ZBBX: variants seen among roughly 807,000 people sequenced by gnomAD.
ZBBX encodes the protein zinc finger B-box domain containing.
Under a neutral mutation model 108.5 loss-of-function variants are expected in ZBBX, and 101 were observed. The observed-to-expected ratio is 0.93, with a 90% CI of 0.79 to 1.10. The LOEUF (loss-of-function observed/expected upper bound fraction) is 1.10, where lower values mean the gene tolerates loss of function less well. Among genes scored for constraint, ZBBX ranks in the 50% least tolerant of loss-of-function variants. The pLI is 0.00. For missense variants in ZBBX, 1,009 were observed against 941.4 expected, an observed-to-expected ratio of 1.07 and a Z score of -0.94; for synonymous variants, 356 against 323.4, an observed-to-expected ratio of 1.10 and a Z score of -1.08.
Position 167,348,391 on chromosome 3 carries a change from A to G in ZBBX, c.528+2029T>C, listed in dbSNP as rs1312541492. 2.7e-5 allele frequency among the ~76,000 whole-genome samples: 4 copies of G among 146,526 alleles called. No homozygotes were observed. The South Asian group carries it at 6.7e-4, about 24-fold the overall frequency. On this transcript the variant is annotated intron_variant, in intron 9 of 21. Coordinates refer to ENST00000675490, the MANE Select transcript of ZBBX (RefSeq NM_001199201.2). The stretch of plus-strand genomic sequence containing the variant: ...AAGAAAAAAAAGAAAAGAAAAGAAG[A>G]AGGAGGGAGGGAGAGGAGAGAGAGA...
intron 16 of ZBBX, among the ~76,000 whole-genome samples, chr3:167,312,979 C>G (rs1199911404): frequency 1.3e-4 from 20 of 152,052 alleles, no homozygotes; most frequent in Non-Finnish European, 1.0e-4. Flanking sequence ...TCTTAAAATT[C>G]TAGGTAGATC....
chr3:167,257,546 AT>A (rs1243684159), intron 20 of ZBBX, among the ~76,000 whole-genome samples: 1 of 152,120 alleles, frequency 6.6e-6, no homozygotes, highest in African/African-American at 2.4e-5. Flanking sequence ...GGCTTTTATT[AT>A]GTTAAGACCT....
chr3:167,397,148 A>AAAAAAAAAAAAAAAAAAAT (rs1748264941), intron 1 of ZBBX, among the ~76,000 whole-genome samples: 1 of 141,750 alleles, frequency 7.1e-6, no homozygotes, highest in East Asian at 2.0e-4. Context: ...GTGGTAAAAA[A>AAAAAAAAAAAAAAAAAAAT]AAAAAAAAAA....
At chr3:167,296,724 G>T (rs1731750196) in intron 18 of ZBBX, among the ~76,000 whole-genome samples, 1 of 151,924 alleles carries the variant, frequency 6.6e-6, no homozygotes, top group Admixed American at 6.6e-5. Context: ...AGAAATTAAA[G>T]AAGCCACACA....
At chr3:167,334,641 G>A (rs779699589) in intron 9 of ZBBX, among the ~76,000 whole-genome samples, 14 of 152,084 alleles carry the variant, frequency 9.2e-5, no homozygotes, top group South Asian at 2.1e-4. Context: ...CTTGGTCACA[G>A]TGCTGAGTGG....
At chr3:167,195,469 C>G in the ZBBX span, among the ~76,000 whole-genome samples, 3 of 152,078 alleles carry the variant, frequency 2.0e-5, no homozygotes, top group African/African-American at 7.2e-5. Context: ...GCCAAACTAA[C>G]CCTTTTCCAA....
chr3:167,287,671 C>T (rs77450312), intron 19 of ZBBX, among the ~76,000 whole-genome samples: 2,630 of 152,128 alleles, frequency 0.017, 30 homozygotes, highest in Non-Finnish European at 0.027. Flanking sequence ...TCTCATAGCA[C>T]GTATATGAAT....
intron 20 of ZBBX, among the ~76,000 whole-genome samples, chr3:167,278,092 C>T (rs13068231): frequency 0.76 from 72,897 of 95,458 alleles, 28,762 homozygotes; most frequent in African/African-American, 0.9. Context: ...TGGGACACAT[C>T]CAAAGCAGTG....
chr3:167,305,584 A>G, intron 17 of ZBBX, 59 bp downstream of exon 17: 1 of 1,279,642 alleles, frequency 7.8e-7, no homozygotes, highest in East Asian at 2.7e-5. Flanking sequence ...TGTCACTAAG[A>G]CATTTTCTTA....
At chr3:167,354,006 G>A (rs1743103713) in intron 8 of ZBBX, among the ~76,000 whole-genome samples, 1 of 151,964 alleles carries the variant, frequency 6.6e-6, no homozygotes, top group Non-Finnish European at 1.5e-5. Flanking sequence ...TGAAAACATT[G>A]TAAGTTGAAA....
At chr3:167,379,450 C>A (rs929368351) in intron 2 of ZBBX, among the ~76,000 whole-genome samples, 188 bp downstream of exon 2, 2 of 152,276 alleles carry the variant, frequency 1.3e-5, no homozygotes, top group African/African-American at 4.8e-5. Context: ...GTCAGGGCAG[C>A]CCTCTGTGTA....
the ZBBX span, among the ~76,000 whole-genome samples, chr3:167,219,295 G>A: frequency 3.3e-5 from 5 of 151,732 alleles, no homozygotes; most frequent in South Asian, 2.1e-4. Flanking sequence ...AGATATTTAC[G>A]GAACACTTTA....
At position 167,276,079 on chromosome 3, in the gene ZBBX, C is replaced by G. The variant is rs112526873; in HGVS notation, c.2254+6159G>C. Among the ~76,000 whole-genome samples, 466 of 150,602 alleles carry G rather than the reference C, an allele frequency of 3.1e-3. 5 individuals are homozygous for G. Among genetic ancestry groups the G allele is most frequent in the Non-Finnish European group, 4.8e-3 (322 of 67,030 alleles). ...CTGCAGCTGAGGGTCCTGTCTGTTA[C>G]AAGGAAAACTAACAAACAGAAAGGA... On this transcript the variant is annotated intron_variant, in intron 20 of 21. Transcript: ENST00000675490.
At chr3:167,227,501 A>G in the ZBBX span, among the ~76,000 whole-genome samples, 1 of 151,572 alleles carries the variant, frequency 6.6e-6, no homozygotes, top group Non-Finnish European at 1.5e-5. Flanking sequence ...TGGGAAGCAA[A>G]TTTGCTATTC....
At chr3:167,294,492 T>C (rs1181887148) in intron 18 of ZBBX, among the ~76,000 whole-genome samples, 1 of 152,174 alleles carries the variant, frequency 6.6e-6, no homozygotes, top group Non-Finnish European at 1.5e-5. Flanking sequence ...TGGCTAGCCA[T>C]AGGCATAAAA....
intron 20 of ZBBX, among the ~76,000 whole-genome samples, chr3:167,253,819 T>A (rs1295542995): frequency 1.3e-5 from 2 of 150,914 alleles, no homozygotes; most frequent in East Asian, 1.9e-4. Flanking sequence ...ATGTAACGGG[T>A]GAAAAAAATA....
At chr3:167,366,293 T>C (rs1430663260) in intron 5 of ZBBX, among the ~76,000 whole-genome samples, 1 of 151,836 alleles carries the variant, frequency 6.6e-6, no homozygotes, top group Non-Finnish European at 1.5e-5. Flanking sequence ...TTACAGGTCT[T>C]TATGAAATTT....
chr3:167,345,661 G>A (rs148037737), intron 9 of ZBBX, among the ~76,000 whole-genome samples: 13 of 151,610 alleles, frequency 8.6e-5, no homozygotes, highest in African/African-American at 3.1e-4. Context: ...CCCTTCTGTG[G>A]TCTCCCATCA....
At chr3:167,360,887 T>C (rs1434275877) in intron 6 of ZBBX, among the ~76,000 whole-genome samples, 164 bp from the exon 7 acceptor site, 1 of 151,910 alleles carries the variant, frequency 6.6e-6, no homozygotes, top group Non-Finnish European at 1.5e-5. Context: ...AAAGCATATA[T>C]GTACCTTTTA....
Sources: gnomAD v4.1 joint callset for allele counts (sites outside exome capture counted in the v4.1 genomes callset) on GRCh38, gnomAD v4.1.1 for gene constraint, MANE v1.5 for transcripts, NCBI Gene and HGNC (gene_info 2026-07-23, HGNC 2026-07-21) for gene names.